The following TLL1 variants were observed in gnomAD, a reference collection of about 807,000 sequenced individuals.
TLL1 encodes tolloid-like protein 1.
A neutral mutation model predicts 128.2 loss-of-function variants in TLL1; 49 were observed. That is an observed-to-expected ratio of 0.38 (90% CI 0.30 to 0.48). TLL1 has a LOEUF of 0.48. Among genes scored for constraint, TLL1 ranks in the 20% least tolerant of loss-of-function variants. TLL1 has a pLI of 0.96. For synonymous variants in TLL1, 454 were observed against 418.8 expected (o/e 1.08, Z -1.03); for missense variants, 1,123 against 1,242.0 (o/e 0.90, Z 1.44).
chr4:165,932,446 G>C (rs541440416), intron 1 of TLL1, among the ~76,000 whole-genome samples: 8 of 152,260 alleles, frequency 5.3e-5, no homozygotes, highest in Admixed American at 4.6e-4. Context: ...CACTGTAACT[G>C]TTTACATCAA....
At chr4:166,057,132 C>T (rs1042851193) in intron 13 of TLL1, 52 bp from the exon 14 acceptor site, 1 of 1,604,584 alleles carries the variant, frequency 6.2e-7, no homozygotes, top group South Asian at 1.1e-5. Context: ...ATTTCACATA[C>T]ATACACACAT....
At chr4:165,912,301 C>T (rs915697248) in intron 1 of TLL1, among the ~76,000 whole-genome samples, 9 of 152,182 alleles carry the variant, frequency 5.9e-5, no homozygotes, top group African/African-American at 1.9e-4. Context: ...AGATGTCCAG[C>T]TTGAGTGTCT....
At chr4:165,973,469 G>A (rs755550240) in intron 1 of TLL1, among the ~76,000 whole-genome samples, 2 of 151,872 alleles carry the variant, frequency 1.3e-5, no homozygotes, top group Non-Finnish European at 2.9e-5. Flanking sequence ...AGGTTTTGTA[G>A]ATCCTTTTGG....
intron 1 of TLL1, among the ~76,000 whole-genome samples, chr4:165,938,915 G>A (rs1733878893): frequency 6.6e-6 from 1 of 151,378 alleles, no homozygotes; most frequent in African/African-American, 2.4e-5. Context: ...CTTCATGGTT[G>A]CAATGTCATT....
intron 12 of TLL1, among the ~76,000 whole-genome samples, chr4:166,045,000 C>CAAATGGAA (rs1186138303): frequency 1.3e-5 from 2 of 151,978 alleles, no homozygotes; most frequent in Non-Finnish European, 2.9e-5. Flanking sequence ...AACATAAGGA[C>CAAATGGAA]AAATGGAAAA....
chr4:165,977,536 T>G (rs1250325670), intron 1 of TLL1, among the ~76,000 whole-genome samples: 1 of 152,164 alleles, frequency 6.6e-6, no homozygotes, highest in Non-Finnish European at 1.5e-5. Flanking sequence ...AGTCAACTAT[T>G]TTTATGGTCT....
At chr4:165,955,921 G>A (rs1365385397) in intron 1 of TLL1, among the ~76,000 whole-genome samples, 1 of 152,074 alleles carries the variant, frequency 6.6e-6, no homozygotes, top group African/African-American at 2.4e-5. Flanking sequence ...ACCAAGAGAG[G>A]AATTTTACAG....
intron 1 of TLL1, among the ~76,000 whole-genome samples, chr4:165,883,790 C>G (rs1008204978): frequency 2.6e-5 from 4 of 152,030 alleles, no homozygotes; most frequent in Admixed American, 1.3e-4. Context: ...GAAGATAAAT[C>G]CCCCCAATAG....
intron 1 of TLL1, among the ~76,000 whole-genome samples, chr4:165,910,720 A>G (rs1439821762): frequency 6.6e-6 from 1 of 152,236 alleles, no homozygotes; most frequent in Non-Finnish European, 1.5e-5. Context: ...ATTTAATAAA[A>G]CAATGCATTA....
In TLL1 at chr4:166,007,951, T is replaced by C; in HGVS notation, c.820T>C (p.Tyr274His). 6.2e-7 allele frequency: 1 copy of C among 1,607,916 alleles called. No individual in the cohort carries two copies. The highest frequency in any genetic ancestry group is 2.2e-5 in the East Asian group (1 of 44,704). ...TTATCCCTGGTTCTTAGGTCAAGAG[T>C]ACAATTTTCTGAAGATGGAGCCTGG... ...IRENIQPGQE[Y>H]NFLKMEPGEV... is the part of the protein sequence containing the mutation. The change falls in exon 7 of 21, where the codon TAC becomes CAC. Residue 274 changes from tyrosine (Y) to histidine (H), a missense_variant. Physicochemically the swap from Tyr to His is moderately conservative, Grantham distance 83 (BLOSUM62 2). Coordinates refer to ENST00000061240, the MANE Select transcript of TLL1 (RefSeq NM_012464.5).
At chr4:165,882,753 G>A (rs1579437661) in intron 1 of TLL1, among the ~76,000 whole-genome samples, 1 of 151,978 alleles carries the variant, frequency 6.6e-6, no homozygotes, top group East Asian at 2.0e-4. Flanking sequence ...CGAGTAGCTG[G>A]GATTACAGGC....
chr4:166,012,291 G>A (rs1282741937), intron 7 of TLL1, among the ~76,000 whole-genome samples: 1 of 151,502 alleles, frequency 6.6e-6, no homozygotes, highest in Non-Finnish European at 1.5e-5. Flanking sequence ...TTACTTGTCA[G>A]GATATGGAGA....
intron 1 of TLL1, among the ~76,000 whole-genome samples, chr4:165,930,267 T>A (rs193209264): frequency 6.6e-6 from 1 of 152,266 alleles, no homozygotes; most frequent in East Asian, 1.9e-4. Flanking sequence ...CACTTTTTCC[T>A]CTGGTATGTG....
At chr4:166,051,282 C>CCT (rs879756812) in intron 12 of TLL1, among the ~76,000 whole-genome samples, 1 of 132,558 alleles carries the variant, frequency 7.5e-6, no homozygotes, top group Non-Finnish European at 1.6e-5. Flanking sequence ...TCCCTCCCTT[C>CCT]TTTCTTCCCT....
chr4:166,067,122 A>G (rs984142147), intron 16 of TLL1, among the ~76,000 whole-genome samples: 3 of 151,774 alleles, frequency 2.0e-5, no homozygotes, highest in African/African-American at 7.2e-5. Flanking sequence ...TAGAAGCCCC[A>G]AACCCCAACA....
At chr4:166,073,576 T>A (rs1740886825) in intron 16 of TLL1, among the ~76,000 whole-genome samples, 1 of 152,104 alleles carries the variant, frequency 6.6e-6, no homozygotes, top group African/African-American at 2.4e-5. Flanking sequence ...AACACATAAA[T>A]CACAAATACA....
At chr4:165,935,320 C>T (rs1441308299) in intron 1 of TLL1, among the ~76,000 whole-genome samples, 3 of 152,118 alleles carry the variant, frequency 2.0e-5, no homozygotes. Context: ...GCTTAGTTAC[C>T]TTAGGAACAC....
At chr4:165,928,389 G>T (rs145341044) in intron 1 of TLL1, among the ~76,000 whole-genome samples, 173 of 152,296 alleles carry the variant, frequency 1.1e-3, no homozygotes, top group African/African-American at 3.8e-3. Context: ...CAGTAGAACA[G>T]GGTAGGAAAG....
At chr4:166,057,148 T>C (rs1295517587) in intron 13 of TLL1, 36 bp from the exon 14 acceptor site, 6 of 1,611,442 alleles carry the variant, frequency 3.7e-6, no homozygotes, top group Middle Eastern at 1.7e-4. Flanking sequence ...CACATATATA[T>C]GTATAGTTGT....
Sources: gnomAD v4.1 joint callset for allele counts (sites outside exome capture counted in the v4.1 genomes callset) on GRCh38, gnomAD v4.1.1 for gene constraint, MANE v1.5 for transcripts, NCBI Gene and HGNC (gene_info 2026-07-23, HGNC 2026-07-21) for gene names.